ZNF609: variants seen among roughly 807,000 people sequenced by gnomAD.
ZNF609 encodes zinc finger protein 609.
In ZNF609, 11 loss-of-function variants were observed where a neutral mutation model predicts 109.5. The ratio of observed to expected loss-of-function variants is 0.10; its 90% CI spans 0.06 to 0.17. ZNF609 has a LOEUF of 0.17. ZNF609 is among the 10% of genes least tolerant of loss of function. The probability of loss-of-function intolerance (pLI) is 1.00; values close to 1 mark genes in which losing one functional copy is unlikely to be tolerated. For synonymous variants in ZNF609, 646 were observed against 662.0 expected, an observed-to-expected ratio of 0.98 and a Z score of 0.37; for missense variants, 1,559 against 1,772.4, an observed-to-expected ratio of 0.88 and a Z score of 2.16.
At chr15:64,519,450 C>G (rs1017346293) in intron 2 of ZNF609, among the ~76,000 whole-genome samples, 2 of 152,164 alleles carry the variant, frequency 1.3e-5, no homozygotes, top group African/African-American at 4.8e-5. Flanking sequence ...ATATTGGGAA[C>G]TGCTTCCTTG....
chr15:64,539,429 G>A (rs1219764389), intron 2 of ZNF609, among the ~76,000 whole-genome samples: 5 of 151,718 alleles, frequency 3.3e-5, no homozygotes, highest in East Asian at 1.9e-4. Context: ...GGATGGTCTC[G>A]ATCTCCTGAC....
intron 3 of ZNF609, among the ~76,000 whole-genome samples, chr15:64,646,983 G>T (rs965678253): frequency 1.3e-5 from 2 of 148,500 alleles, no homozygotes; most frequent in Non-Finnish European, 3.0e-5. Context: ...ATGGTAACAC[G>T]TGCAGTGATA....
chr15:64,499,045 A>G (rs185136197), intron 1 of ZNF609, among the ~76,000 whole-genome samples: 109 of 152,302 alleles, frequency 7.2e-4, no homozygotes, highest in African/African-American at 2.5e-3. Flanking sequence ...GAGGACTCCT[A>G]GTTAAGACTT....
intron 2 of ZNF609, among the ~76,000 whole-genome samples, chr15:64,540,092 G>C (rs1475993791): frequency 6.6e-6 from 1 of 152,138 alleles, no homozygotes; most frequent in Non-Finnish European, 1.5e-5. Flanking sequence ...ATTACTAGCT[G>C]GATTATGATG....
intron 1 of ZNF609, among the ~76,000 whole-genome samples, chr15:64,464,392 TAC>T (rs1892982932): frequency 6.6e-6 from 1 of 152,210 alleles, no homozygotes; most frequent in Non-Finnish European, 1.5e-5. Context: ...GGTACCTTAG[TAC>T]TTGTACTGCC....
chr15:64,514,578 G>C (rs547174185), intron 2 of ZNF609, among the ~76,000 whole-genome samples: 43 of 151,848 alleles, frequency 2.8e-4, no homozygotes, highest in African/African-American at 9.4e-4. Context: ...TAGGTCCTTT[G>C]AGGTATACCT....
intron 2 of ZNF609, among the ~76,000 whole-genome samples, chr15:64,536,601 G>T (rs1265387943): frequency 6.6e-6 from 1 of 152,010 alleles, no homozygotes; most frequent in African/African-American, 2.4e-5. Context: ...AACTGGCCGG[G>T]CTCAGTGGCA....
At chr15:64,484,400 G>A (rs1029037988) in intron 1 of ZNF609, among the ~76,000 whole-genome samples, 17 of 152,146 alleles carry the variant, frequency 1.1e-4, no homozygotes, top group African/African-American at 2.7e-4. Flanking sequence ...AATCTTGGCC[G>A]GGCACAGTGG....
At chr15:64,494,920 T>C (rs1177312043) in intron 1 of ZNF609, among the ~76,000 whole-genome samples, 1 of 152,184 alleles carries the variant, frequency 6.6e-6, no homozygotes, top group Non-Finnish European at 1.5e-5. Flanking sequence ...TCTTAAGAAA[T>C]GGCTTCCCAG....
At chr15:64,560,091 G>A (rs1020584687) in intron 2 of ZNF609, among the ~76,000 whole-genome samples, 3 of 152,012 alleles carry the variant, frequency 2.0e-5, no homozygotes, top group Non-Finnish European at 2.9e-5. Flanking sequence ...CTGTCACCAC[G>A]CTAGAGTGCA....
chr15:64,623,094 TTC>T (rs1428475319), intron 3 of ZNF609, 42 bp downstream of exon 3: 12 of 1,582,078 alleles, frequency 7.6e-6, no homozygotes, highest in Non-Finnish European at 9.6e-6. Flanking sequence ...CTCAACCTGC[TTC>T]TGCAGGGGAG....
In ZNF609 at chr15:64,494,682, G is replaced by A. The variant is rs1893458845; in HGVS notation, c.-127-4611G>A. Among the ~76,000 whole-genome samples, 4 of 151,968 alleles carry A rather than the reference G, an allele frequency of 2.6e-5. No homozygotes were observed. The South Asian group carries it at 8.3e-4, about 32-fold the overall frequency. Reference sequence around the variant, plus strand: ...TGGGATTACAGGCTCCCGCTACCATGCCTGGCTAATTTTTTGTATTTTTAG... The same window carrying A: ...TGGGATTACAGGCTCCCGCTACCATACCTGGCTAATTTTTTGTATTTTTAG... On this transcript the variant is annotated intron_variant, in intron 1 of 9. Transcript: ENST00000326648.
chr15:64,632,546 A>G (rs546478765), intron 3 of ZNF609, among the ~76,000 whole-genome samples: 5 of 151,888 alleles, frequency 3.3e-5, no homozygotes, highest in Admixed American at 1.3e-4. Context: ...CCGTGGTGCA[A>G]TCTTGGCTCA....
chr15:64,538,735 G>A (rs1489922518), intron 2 of ZNF609, among the ~76,000 whole-genome samples: 6 of 151,822 alleles, frequency 4.0e-5, no homozygotes, highest in Non-Finnish European at 5.9e-5. Context: ...TAGTAGAGAC[G>A]GGGTTTCTCC....
chr15:64,587,470 C>T (rs1371871480), intron 2 of ZNF609, among the ~76,000 whole-genome samples: 1 of 151,938 alleles, frequency 6.6e-6, no homozygotes, highest in Non-Finnish European at 1.5e-5. Flanking sequence ...GTTCAAAGGG[C>T]ATAATAAAAA....
At chr15:64,635,731 C>T (rs530856225) in intron 3 of ZNF609, among the ~76,000 whole-genome samples, 1 of 152,180 alleles carries the variant, frequency 6.6e-6, no homozygotes, top group Non-Finnish European at 1.5e-5. Flanking sequence ...TGGCAACTAG[C>T]CTTTTCTCCC....
intron 1 of ZNF609, among the ~76,000 whole-genome samples, chr15:64,482,770 A>G (rs959544259): frequency 1.3e-5 from 2 of 152,218 alleles, no homozygotes; most frequent in African/African-American, 4.8e-5. Context: ...ACCAGTAGAC[A>G]TTGTTTAGTT....
Position 64,604,854 on chromosome 15 carries a change from T to C in ZNF609, c.748-17973T>C, listed in dbSNP as rs531079752. On this transcript the variant is annotated intron_variant, in intron 2 of 9. Transcript: ENST00000326648. ...TTATTTATTTATTTATTTTTTGAGATGGAGTCTCGCTCTATCGCCCAGGCT... is the reference window on the plus strand; with the variant it reads ...TTATTTATTTATTTATTTTTTGAGACGGAGTCTCGCTCTATCGCCCAGGCT... Among the ~76,000 whole-genome samples, 3 of 152,230 alleles carry C rather than the reference T, an allele frequency of 2.0e-5. No homozygotes were observed. In the East Asian group the frequency reaches 5.8e-4, roughly 29 times the overall value.
At chr15:64,542,703 A>C (rs951550089) in intron 2 of ZNF609, among the ~76,000 whole-genome samples, 1 of 152,206 alleles carries the variant, frequency 6.6e-6, no homozygotes, top group Admixed American at 6.6e-5. Flanking sequence ...TCACTTATTC[A>C]GAAGTCCCAT....
Sources: allele counts gnomAD v4.1 joint callset (sites outside exome capture counted in the v4.1 genomes callset), GRCh38; gene constraint gnomAD v4.1.1; transcripts MANE v1.5; gene names NCBI Gene and HGNC (gene_info 2026-07-23, HGNC 2026-07-21).